Variants in ELF1 observed in about 807,000 individuals in gnomAD.
ELF1 encodes the protein E74 like ETS transcription factor 1, also known as ETS-related transcription factor Elf-1.
ELF1 carries 24 observed loss-of-function variants against 59.9 expected under a neutral mutation model. The ratio of observed to expected loss-of-function variants is 0.40; its 90% confidence interval spans 0.29 to 0.56. ELF1 has a LOEUF of 0.56. ELF1 is among the 20% of genes least tolerant of loss of function. The pLI is 0.44. For missense variants in ELF1, 627 were observed against 742.2 expected (o/e 0.84, Z 1.80); for synonymous variants, 248 against 266.2 (o/e 0.93, Z 0.67).
chr13:40,976,783 A>T (rs1234104184), intron 2 of ELF1, among the ~76,000 whole-genome samples: 1 of 152,068 alleles, frequency 6.6e-6, no homozygotes, highest in Non-Finnish European at 1.5e-5. Context: ...CATGTGATAT[A>T]CACCACCCGC....
At chr13:41,000,002 T>C (rs992613220) in intron 1 of ELF1, among the ~76,000 whole-genome samples, 4 of 152,242 alleles carry the variant, frequency 2.6e-5, no homozygotes, top group Admixed American at 6.5e-5. Flanking sequence ...TATGAACTGT[T>C]GCATCTTTGG....
At chr13:41,009,784 A>G (rs1318416659) in intron 1 of ELF1, among the ~76,000 whole-genome samples, 3 of 152,080 alleles carry the variant, frequency 2.0e-5, no homozygotes, top group Admixed American at 1.3e-4. Context: ...TTTTTACTCT[A>G]GTTCTGGTTT....
rs1298096014 is a variant in ELF1, at chr13:40,932,292, A to G, written c.*1133T>C. 2 of 152,182 alleles carry G rather than the reference A, an allele frequency of 1.3e-5. No homozygotes were observed. The highest frequency in any genetic ancestry group is 2.9e-5 in the Non-Finnish European group (2 of 68,056). The allele number at this position is 152,182 out of a possible 1,614,324, so 9.4% of individuals were successfully genotyped here. ...GTAATCTAAAAACATTTCATTTCAG[A>G]AAGTTGGATATATATGTTATCTTTG... On this transcript the variant is annotated 3_prime_UTR_variant, in exon 9 of 9. Transcript: ENST00000239882.
At chr13:40,992,845 C>T in intron 1 of ELF1, 1 of 550,716 alleles carries the variant, frequency 1.8e-6, no homozygotes, top group Non-Finnish European at 3.2e-6. Flanking sequence ...GATCACCTCT[C>T]TAACTCAAGA....
chr13:40,966,492 C>T (rs1872180307), intron 2 of ELF1, among the ~76,000 whole-genome samples: 1 of 152,150 alleles, frequency 6.6e-6, no homozygotes, highest in Non-Finnish European at 1.5e-5. Context: ...TGGTTGATCA[C>T]GTATGTGGCA....
At chr13:40,955,421 G>C (rs1270912838) in intron 3 of ELF1, among the ~76,000 whole-genome samples, 1 of 138,660 alleles carries the variant, frequency 7.2e-6, no homozygotes, top group African/African-American at 2.6e-5. Flanking sequence ...GGAAGGAGGT[G>C]GGGGGGTCAG....
intron 1 of ELF1, among the ~76,000 whole-genome samples, chr13:41,053,936 C>CA (rs992778778): frequency 4.6e-5 from 7 of 152,036 alleles, no homozygotes; most frequent in Admixed American, 3.3e-4. Flanking sequence ...ACCAAATCCA[C>CA]AAAAAAACGA....
intron 1 of ELF1, among the ~76,000 whole-genome samples, chr13:41,039,821 T>C (rs910908721): frequency 6.6e-6 from 1 of 152,202 alleles, no homozygotes; most frequent in Non-Finnish European, 1.5e-5. Context: ...TTTAAAACTT[T>C]CATAATAAAA....
intron 1 of ELF1, among the ~76,000 whole-genome samples, chr13:41,039,625 G>A (rs1876527723): frequency 6.6e-6 from 1 of 152,090 alleles, no homozygotes; most frequent in Non-Finnish European, 1.5e-5. Flanking sequence ...AAGGTAAAGA[G>A]ATATATGTAT....
chr13:40,962,940 AAG>A (rs781078330), intron 2 of ELF1, among the ~76,000 whole-genome samples: 11 of 152,188 alleles, frequency 7.2e-5, no homozygotes, highest in Non-Finnish European at 1.2e-4. Flanking sequence ...ATTTCACGAG[AAG>A]AGATTATTCA....
intron 2 of ELF1, among the ~76,000 whole-genome samples, chr13:40,970,223 T>C (rs1305354489): frequency 6.6e-6 from 1 of 152,218 alleles, no homozygotes; most frequent in East Asian, 1.9e-4. Context: ...AATTATCCTC[T>C]AGTTGATACT....
intron 2 of ELF1, among the ~76,000 whole-genome samples, chr13:40,968,685 G>C (rs1458319906): frequency 6.7e-6 from 1 of 150,366 alleles, no homozygotes; most frequent in African/African-American, 2.4e-5. Flanking sequence ...TATTTCTGTT[G>C]ATTAACTCAA....
chr13:41,054,743 G>A (rs189690039), intron 1 of ELF1, among the ~76,000 whole-genome samples: 2 of 152,282 alleles, frequency 1.3e-5, no homozygotes, highest in Non-Finnish European at 2.9e-5. Flanking sequence ...CTTGACCTTT[G>A]TCAAGGCCTA....
intron 1 of ELF1, among the ~76,000 whole-genome samples, chr13:41,056,916 C>T (rs764676524): frequency 9.2e-5 from 14 of 151,944 alleles, no homozygotes; most frequent in Admixed American, 2.6e-4. Context: ...AACAAAACTC[C>T]GAGACAAGGA....
intron 1 of ELF1, chr13:40,992,641 C>T (rs182042245): frequency 1.2e-3 from 196 of 164,140 alleles, no homozygotes; most frequent in African/African-American, 4.2e-3. Flanking sequence ...CCCTACTCAT[C>T]TTAGAGCTTT....
At chr13:41,001,793 A>T (rs1420512775) in intron 1 of ELF1, among the ~76,000 whole-genome samples, 1 of 152,124 alleles carries the variant, frequency 6.6e-6, no homozygotes, top group Non-Finnish European at 1.5e-5. Context: ...CCAACAGTTC[A>T]AGGTTGCCGT....
intron 3 of ELF1, among the ~76,000 whole-genome samples, chr13:40,952,557 C>T (rs1870924442): frequency 6.6e-6 from 1 of 151,938 alleles, no homozygotes; most frequent in South Asian, 2.1e-4. Context: ...AGACAGGGTC[C>T]CGCTATGTTG....
intron 1 of ELF1, among the ~76,000 whole-genome samples, chr13:41,014,211 T>A (rs1317160867): frequency 6.6e-6 from 1 of 152,178 alleles, no homozygotes; most frequent in Non-Finnish European, 1.5e-5. Flanking sequence ...AGGCTCCTTT[T>A]CATTATAGAC....
chr13:40,994,010 A>T (rs9594472), intron 1 of ELF1, among the ~76,000 whole-genome samples: 1 of 118,872 alleles, frequency 8.4e-6, no homozygotes, highest in Non-Finnish European at 2.0e-5. Context: ...TGCTAATAAT[A>T]AAAAAAAAAA....
Sources: allele counts gnomAD v4.1 joint callset (sites outside exome capture counted in the v4.1 genomes callset), GRCh38; gene constraint gnomAD v4.1.1; transcripts MANE v1.5; gene names NCBI Gene and HGNC (gene_info 2026-07-23, HGNC 2026-07-21).